AUTS2: variants seen among roughly 807,000 people sequenced by gnomAD.
AUTS2 encodes autism susceptibility gene 2 protein.
AUTS2 carries 17 observed loss-of-function variants against 112.4 expected under a neutral mutation model. The ratio of observed to expected loss-of-function variants is 0.15; its 90% CI spans 0.10 to 0.23. The LOEUF (loss-of-function observed/expected upper bound fraction) is 0.23, where lower values mean the gene tolerates loss of function less well. AUTS2 is among the 10% of genes least tolerant of loss of function. The pLI is 1.00. For missense variants in AUTS2, 1,510 were observed against 1,701.6 expected, an observed-to-expected ratio of 0.89 and a Z score of 1.98; for synonymous variants, 751 against 702.7, an observed-to-expected ratio of 1.07 and a Z score of -1.09.
intron 4 of AUTS2, among the ~76,000 whole-genome samples, chr7:70,396,826 G>T (rs1295368327): frequency 6.6e-6 from 1 of 152,184 alleles, no homozygotes; most frequent in Admixed American, 6.5e-5. Context: ...AAATAAAGCT[G>T]CTGTGAACAT....
At chr7:70,435,895 T>C in intron 5 of AUTS2, 114 bp downstream of exon 5, 2 of 1,136,670 alleles carry the variant, frequency 1.8e-6, no homozygotes, top group Non-Finnish European at 2.6e-6. Flanking sequence ...GGACCTTTTC[T>C]CTTTAGGAAA....
At chr7:70,569,311 C>T (rs1030575129) in intron 5 of AUTS2, among the ~76,000 whole-genome samples, 8 of 152,182 alleles carry the variant, frequency 5.3e-5, no homozygotes, top group Non-Finnish European at 8.8e-5. Context: ...AAAGTTGGTT[C>T]AAACCAATTA....
intron 4 of AUTS2, among the ~76,000 whole-genome samples, chr7:70,389,178 A>T (rs557770681): frequency 6.6e-6 from 1 of 152,158 alleles, no homozygotes; most frequent in Non-Finnish European, 1.5e-5. Context: ...CTCAACCTTA[A>T]GCAAATTTAG....
chr7:69,963,725 T>A (rs1797522549), intron 2 of AUTS2, among the ~76,000 whole-genome samples: 1 of 152,146 alleles, frequency 6.6e-6, no homozygotes, highest in African/African-American at 2.4e-5. Context: ...ACCCTCCGTT[T>A]ACAGATGGGG....
rs921804306 is a variant in AUTS2 at position 69,616,344 on chromosome 7, A to G, written c.309+16382A>G. 4.6e-5 allele frequency among the ~76,000 whole-genome samples: 7 copies of G among 152,150 alleles called. No individual in the cohort carries two copies. In the South Asian group the frequency reaches 6.2e-4, roughly 14 times the overall value. On this transcript the variant is annotated intron_variant, in intron 1 of 18. Transcript: ENST00000342771. ...ATATTTCCTCCCTTGTACAGCATCT[A>G]TCTCCACATGGGTCTCAAGTCCACC...
rs567756128 is a variant in AUTS2, at chr7:69,764,436, T to G, written c.310-134850T>G. Reference sequence around the variant, plus strand: ...CTCAAGTTGCGGGCAGGGGCGCAGGTCTCTATGGTGATGAATGGAGAGATG... The same window carrying G: ...CTCAAGTTGCGGGCAGGGGCGCAGGGCTCTATGGTGATGAATGGAGAGATG... On this transcript the variant is annotated intron_variant, in intron 1 of 18. Transcript: ENST00000342771. Among the ~76,000 whole-genome samples, 3 of 151,558 alleles carry G rather than the reference T, an allele frequency of 2.0e-5. No homozygotes were observed. The South Asian group carries it at 6.3e-4, about 32-fold the overall frequency.
chr7:70,577,831 A>AT (rs34014636), intron 5 of AUTS2, among the ~76,000 whole-genome samples: 26,281 of 147,062 alleles, frequency 0.18, 2,624 homozygotes, highest in African/African-American at 0.29. Context: ...TTTTTTCTTT[A>AT]TTTTTTTTTT....
chr7:70,226,399 G>T (rs1007409925), intron 4 of AUTS2, among the ~76,000 whole-genome samples: 1 of 150,162 alleles, frequency 6.7e-6, no homozygotes, highest in Non-Finnish European at 1.5e-5. Context: ...TAGAGATGGG[G>T]TTTCACTGTG....
intron 2 of AUTS2, among the ~76,000 whole-genome samples, chr7:70,110,055 C>T (rs1273077098): frequency 6.6e-6 from 1 of 152,060 alleles, no homozygotes; most frequent in East Asian, 1.9e-4. Flanking sequence ...GTAGAGTTAA[C>T]AATTCTCTTG....
chr7:70,476,216 G>A (rs1797575889), intron 5 of AUTS2, among the ~76,000 whole-genome samples: 1 of 152,030 alleles, frequency 6.6e-6, no homozygotes, highest in Non-Finnish European at 1.5e-5. Flanking sequence ...CTTAGTCTCA[G>A]CTCTCTTGTC....
chr7:70,352,187 T>G (rs1585047568), intron 4 of AUTS2, among the ~76,000 whole-genome samples: 1 of 152,206 alleles, frequency 6.6e-6, no homozygotes, highest in Non-Finnish European at 1.5e-5. Context: ...TCACAATTAG[T>G]AAGTCATGAA....
At chr7:70,268,597 A>G (rs968789257) in intron 4 of AUTS2, among the ~76,000 whole-genome samples, 5 of 152,270 alleles carry the variant, frequency 3.3e-5, no homozygotes, top group Non-Finnish European at 7.4e-5. Context: ...CTTTACCTCA[A>G]TCATCCATCT....
intron 6 of AUTS2, among the ~76,000 whole-genome samples, chr7:70,729,882 G>A (rs1787268281): frequency 6.6e-6 from 1 of 151,808 alleles, no homozygotes; most frequent in Admixed American, 6.6e-5. Context: ...ATGTATGTAT[G>A]TATGTATGTA....
At chr7:70,145,722 G>A (rs772075138) in intron 4 of AUTS2, among the ~76,000 whole-genome samples, 8 of 152,066 alleles carry the variant, frequency 5.3e-5, no homozygotes, top group Non-Finnish European at 1.0e-4. Context: ...TGCAAATTTT[G>A]AATTGGTAGA....
At chr7:70,408,903 GT>G (rs1794657438) in intron 4 of AUTS2, among the ~76,000 whole-genome samples, 1 of 152,206 alleles carries the variant, frequency 6.6e-6, no homozygotes, top group Admixed American at 6.5e-5. Flanking sequence ...TGAATTAGCA[GT>G]TTTTCCAACC....
intron 5 of AUTS2, among the ~76,000 whole-genome samples, chr7:70,512,427 C>G (rs1799234367): frequency 6.6e-6 from 1 of 152,162 alleles, no homozygotes; most frequent in Non-Finnish European, 1.5e-5. Context: ...ATAAAAATTA[C>G]CCGGGGGCCA....
chr7:70,790,806 T>G lies in AUTS2; in HGVS notation c.3590T>G (p.Ile1197Ser). 2 of 1,607,632 alleles carry G rather than the reference T, an allele frequency of 1.2e-6. No homozygotes were observed. Among genetic ancestry groups the G allele is most frequent in the Non-Finnish European group, 1.7e-6 (2 of 1,176,220 alleles). ...PGLPSMHYPR[I>S]SPTAGNQNGL... is the part of the protein sequence containing the mutation. The stretch of plus-strand genomic sequence containing the variant: ...CTCCCCAGCATGCACTATCCCCGCA[T>G]CAGCCCCACCGCGGGCAACCAGAAC... The change falls in exon 19 of 19, where the codon ATC becomes AGC. Residue 1197 changes from isoleucine to serine, a missense_variant. This residue lies in a region of AUTS2 where 788 missense variants were observed against 797.6 expected (regional missense o/e 0.99). Coordinates refer to ENST00000342771, the MANE Select transcript of AUTS2 (RefSeq NM_015570.4). This position sits in a 1 kb window ranked among gnomAD's most constrained non-coding sequence, Gnocchi z 7.6.
intron 1 of AUTS2, among the ~76,000 whole-genome samples, chr7:69,633,950 G>A (rs900920809): frequency 6.6e-6 from 1 of 152,024 alleles, no homozygotes; most frequent in African/African-American, 2.4e-5. Context: ...GTTTGCTGCA[G>A]CCCCATATGT....
Position 70,355,124 on chromosome 7 carries a change from G to A in AUTS2, c.661-80628G>A, listed in dbSNP as rs187636832. On this transcript the variant is annotated intron_variant, in intron 4 of 18. Transcript: ENST00000342771. Reference sequence around the variant, plus strand: ...TGTATGGGTGTGTGTGTGTGTGTGTGTATATATACGGAGAGAGATTTCTGG... The same window carrying A: ...TGTATGGGTGTGTGTGTGTGTGTGTATATATATACGGAGAGAGATTTCTGG... Among the ~76,000 whole-genome samples, 267 of 150,906 alleles carry A rather than the reference G, an allele frequency of 1.8e-3. 1 individual carries two copies. Among genetic ancestry groups the A allele is most frequent in the Middle Eastern group, 3.4e-3 (1 of 292 alleles).
Sources: allele counts gnomAD v4.1 joint callset (sites outside exome capture counted in the v4.1 genomes callset), GRCh38; gene constraint gnomAD v4.1.1; regional missense constraint gnomAD v4.1.1; non-coding constraint Gnocchi (gnomAD v3.1); transcripts MANE v1.5; gene names NCBI Gene and HGNC (gene_info 2026-07-23, HGNC 2026-07-21).